Variants in PDE1C observed in about 807,000 individuals in gnomAD.
The protein encoded by PDE1C is phosphodiesterase 1C.
Under a neutral mutation model 93.1 loss-of-function variants are expected in PDE1C, and 62 were observed. That is an observed-to-expected ratio of 0.67 (90% CI 0.54 to 0.82). The LOEUF is 0.82. Ranked by LOEUF, PDE1C falls within the 40% of genes least tolerant of loss-of-function variation. PDE1C has a pLI of 0.00. For missense variants in PDE1C, 742 were observed against 884.6 expected (o/e 0.84, Z 2.04); for synonymous variants, 325 against 310.1 (o/e 1.05, Z -0.50).
At chr7:31,664,092 A>C in the PDE1C span, among the ~76,000 whole-genome samples, 1 of 152,208 alleles carries the variant, frequency 6.6e-6, no homozygotes, top group Non-Finnish European at 1.5e-5. Context: ...ACCAGGTATG[A>C]TCCCAGGTTT....
intron 16 of PDE1C, among the ~76,000 whole-genome samples, chr7:31,797,782 G>A (rs995294550): frequency 1.3e-5 from 2 of 151,654 alleles, no homozygotes; most frequent in African/African-American, 4.8e-5. Context: ...AAACAACGCA[G>A]TATCGTCAAG....
intron 3 of PDE1C, among the ~76,000 whole-genome samples, chr7:31,880,273 C>A (rs77867200): frequency 0.012 from 1,818 of 152,232 alleles, 35 homozygotes; most frequent in African/African-American, 0.042. Context: ...AATAAACCTG[C>A]TAAGTAAATC....
intron 6 of PDE1C, among the ~76,000 whole-genome samples, chr7:31,868,019 A>G (rs561699335): frequency 6.6e-6 from 1 of 152,358 alleles, no homozygotes; most frequent in Admixed American, 6.5e-5. Context: ...TACTCAACCA[A>G]CATCATAGAT....
chr7:31,965,918 G>T (rs36133075), intron 2 of PDE1C, among the ~76,000 whole-genome samples: 26,658 of 152,008 alleles, frequency 0.18, 2,653 homozygotes, highest in South Asian at 0.28. Flanking sequence ...TGAGAGATTT[G>T]GTCACCACCA....
At chr7:32,386,581 C>T (rs1414165866) in intron 1 of PDE1C, among the ~76,000 whole-genome samples, 1 of 124,688 alleles carries the variant, frequency 8.0e-6, no homozygotes, top group African/African-American at 3.1e-5. Context: ...AACATTCTTG[C>T]ATCCACATTT....
intron 1 of PDE1C, among the ~76,000 whole-genome samples, chr7:32,285,570 T>C (rs1585078887): frequency 6.6e-6 from 1 of 152,016 alleles, no homozygotes; most frequent in African/African-American, 2.4e-5. Flanking sequence ...GTAAACTCAC[T>C]AAAACTTGTT....
the PDE1C span, among the ~76,000 whole-genome samples, chr7:31,683,370 G>A: frequency 6.6e-6 from 1 of 152,056 alleles, no homozygotes; most frequent in Non-Finnish European, 1.5e-5. Flanking sequence ...TCTTATTTTA[G>A]TAGGTATTTA....
At position 32,127,951 on chromosome 7, in the gene PDE1C, C is replaced by T. The variant is rs115827050; in HGVS notation, c.308+41834G>A. On this transcript the variant is annotated intron_variant, in intron 3 of 18. Transcript: ENST00000396193. The stretch of plus-strand genomic sequence containing the variant: ...AAGGACAGCAATGAAAAGAAACTTA[C>T]CCAATCGGATAATAATATGTACATT... Among the ~76,000 whole-genome samples the T allele has an allele frequency of 9.6e-3, 1,455 of 151,934 alleles. 34 individuals are homozygous for T. Among genetic ancestry groups the T allele is most frequent in the African/African-American group, 0.033 (1,380 of 41,478 alleles).
At chr7:31,797,489 T>C (rs182710711) in intron 16 of PDE1C, among the ~76,000 whole-genome samples, 144 of 151,908 alleles carry the variant, frequency 9.5e-4, no homozygotes, top group African/African-American at 3.2e-3. Flanking sequence ...TGAAGTATAT[T>C]ACAAATGATT....
intron 2 of PDE1C, chr7:32,169,962 G>A (rs778433594): frequency 6.2e-7 from 1 of 1,609,704 alleles, no homozygotes; most frequent in Non-Finnish European, 8.5e-7. Flanking sequence ...AGACCCTGAG[G>A]CATGGGGAAA....
At chr7:32,137,465 C>G (rs940908472) in intron 3 of PDE1C, among the ~76,000 whole-genome samples, 6 of 152,182 alleles carry the variant, frequency 3.9e-5, no homozygotes, top group African/African-American at 9.6e-5. Flanking sequence ...TGGAGGCTGC[C>G]TGGGAAAAAG....
the PDE1C span, among the ~76,000 whole-genome samples, chr7:31,743,226 A>G: frequency 6.6e-6 from 1 of 152,198 alleles, no homozygotes; most frequent in African/African-American, 2.4e-5. Context: ...TACATTTAAT[A>G]TCAAGTCTAA....
At chr7:31,944,372 C>T (rs1806297620) in intron 2 of PDE1C, among the ~76,000 whole-genome samples, 1 of 152,182 alleles carries the variant, frequency 6.6e-6, no homozygotes, top group South Asian at 2.1e-4. Flanking sequence ...CCTCAAAGAG[C>T]CTGGATGATA....
At position 32,019,607 on chromosome 7, in the gene PDE1C, A is replaced by G. The variant is rs115247915; in HGVS notation, c.128+31947T>C. Among the ~76,000 whole-genome samples the G allele has an allele frequency of 6.1e-3, 930 of 152,240 alleles. 6 individuals are homozygous for G. The highest frequency in any genetic ancestry group is 0.018 in the African/African-American group (764 of 41,534). ...AAATACAAATGGAAGCAAATACCTA[A>G]ATTAAGAGGCCACTGGGAAAGAAAT... On this transcript the variant is annotated intron_variant, in intron 2 of 17. Transcript: ENST00000396191.
intron 1 of PDE1C, among the ~76,000 whole-genome samples, chr7:32,414,576 C>A (rs1227419144): frequency 6.6e-6 from 1 of 152,162 alleles, no homozygotes; most frequent in Non-Finnish European, 1.5e-5. Context: ...CCATTTTCAA[C>A]TCATTCTGAC....
intron 2 of PDE1C, among the ~76,000 whole-genome samples, chr7:31,902,343 G>C (rs1800086901): frequency 6.6e-6 from 1 of 151,810 alleles, no homozygotes; most frequent in Admixed American, 6.6e-5. Context: ...ATGAGCCTCA[G>C]AAATGCAATT....
chr7:31,695,647 C>T, the PDE1C span: 2 of 1,584,772 alleles, frequency 1.3e-6, no homozygotes, highest in African/African-American at 1.4e-5. Context: ...ATCTGCACAG[C>T]TGTAAAGGAG....
chr7:32,233,602 T>C (rs938099910), intron 1 of PDE1C, among the ~76,000 whole-genome samples: 3 of 152,060 alleles, frequency 2.0e-5, no homozygotes, highest in Admixed American at 1.3e-4. Context: ...GGACATTACA[T>C]AATAATAAAA....
At chr7:31,720,515 CTG>C in the PDE1C span, among the ~76,000 whole-genome samples, 2 of 152,316 alleles carry the variant, frequency 1.3e-5, no homozygotes, top group African/African-American at 4.8e-5. Flanking sequence ...TTTGCAGTCT[CTG>C]TCTTTGATAT....
Sources: gnomAD v4.1 joint callset for allele counts (sites outside exome capture counted in the v4.1 genomes callset) on GRCh38, gnomAD v4.1.1 for gene constraint, MANE v1.5 for transcripts, NCBI Gene and HGNC (gene_info 2026-07-23, HGNC 2026-07-21) for gene names.